SNRNP48: variants seen among roughly 807,000 people sequenced by gnomAD.
The protein encoded by SNRNP48 is U11/U12 small nuclear ribonucleoprotein 48 kDa protein.
In SNRNP48, 43 loss-of-function variants were observed where a neutral mutation model predicts 47.0. The observed-to-expected ratio is 0.92, with a 90% CI of 0.72 to 1.18. The LOEUF is 1.18. Among genes scored for constraint, SNRNP48 ranks in the 50% most tolerant of loss-of-function variants. SNRNP48 has a pLI of 0.00. For missense variants in SNRNP48, 396 were observed against 422.2 expected, an observed-to-expected ratio of 0.94 and a Z score of 0.54; for synonymous variants, 138 against 144.0, an observed-to-expected ratio of 0.96 and a Z score of 0.30.
intron 8 of SNRNP48, among the ~76,000 whole-genome samples, chr6:7,608,252 TGCATTATTA>T (rs1760168960): frequency 6.6e-6 from 1 of 151,626 alleles, no homozygotes; most frequent in African/African-American, 2.4e-5. Flanking sequence ...GTATGAAAAA[TGCATTATTA>T]AAACTAAGAG....
intron 1 of SNRNP48, among the ~76,000 whole-genome samples, chr6:7,592,680 A>C (rs949024860): frequency 1.3e-5 from 2 of 152,164 alleles, no homozygotes; most frequent in Non-Finnish European, 1.5e-5. Context: ...ATGGAATTCA[A>C]ACCAGCTACA....
In SNRNP48 at chr6:7,599,783, T is replaced by C. The variant is rs754862147; in HGVS notation, c.407-1553T>C. On this transcript the variant is annotated intron_variant, in intron 4 of 8. Coordinates refer to ENST00000342415, the MANE Select transcript of SNRNP48 (RefSeq NM_152551.4). ...CCTTTTAAAAGTAAAATTTCTAAAC[T>C]TTATCTTAATACCTGTCACATATTA... is the stretch of plus-strand genomic sequence containing the variant. 350 of 1,262,478 alleles carry C rather than the reference T, an allele frequency of 2.8e-4. 1 individual carries two copies. The highest frequency in any genetic ancestry group is 1.5e-3 in the Admixed American group (62 of 41,442). 78.2% of individuals were successfully genotyped at this position (1,262,478 alleles called of 1,614,324 possible).
rs1183980799 is a variant in SNRNP48 at position 7,593,055 on chromosome 6, A to G, written c.157-679A>G. ...TTGTGTTGAACTTTTAGTGTCTTTA[A>G]TATACGGTACTGGAGAGAAACAAGG... On this transcript the variant is annotated intron_variant, in intron 1 of 8. Transcript: ENST00000342415. Among the ~76,000 whole-genome samples the G allele has an allele frequency of 2.6e-5, 4 of 152,116 alleles. 1 individual carries two copies. Among genetic ancestry groups the G allele is most frequent in the Non-Finnish European group, 5.9e-5 (4 of 68,026 alleles).
chr6:7,592,911 G>A (rs1759844068), intron 1 of SNRNP48, among the ~76,000 whole-genome samples: 1 of 152,126 alleles, frequency 6.6e-6, no homozygotes, highest in African/African-American at 2.4e-5. Flanking sequence ...TTGGACGTGG[G>A]TGATGAGGGA....
chr6:7,594,115 C>G lies in SNRNP48; in HGVS notation c.287C>G (p.Pro96Arg), dbSNP rs1561711043. 7.0e-7 allele frequency: 1 copy of G among 1,430,640 alleles called. No homozygotes were observed. The highest frequency in any genetic ancestry group is 2.5e-5 in the East Asian group (1 of 40,542). 88.6% of individuals were successfully genotyped at this position (1,430,640 alleles called of 1,614,324 possible). A position where few individuals can be genotyped will look rare whatever the true frequency, so the allele number is the denominator to read the frequency against. The change falls in exon 3 of 9, where the codon CCT (proline) becomes CGT (arginine). Residue 96 changes from proline to arginine, a missense_variant. Transcript: ENST00000342415. ...TTTTTTCAGGATGAAATGTATAATC[C>G]TGAGTTTTTCTATGAAAATGTGAAG... ...TKEEEDEMYN[P>R]EFFYENVKIP...
intron 5 of SNRNP48, 36 bp downstream of exon 5, chr6:7,601,560 T>C: frequency 6.7e-7 from 1 of 1,493,596 alleles, no homozygotes; most frequent in African/African-American, 1.4e-5. Flanking sequence ...CATTTCTTCA[T>C]TATCATTTTA....
At chr6:7,604,223 G>C (rs1026410488) in intron 6 of SNRNP48, among the ~76,000 whole-genome samples, 2 of 152,220 alleles carry the variant, frequency 1.3e-5, no homozygotes, top group African/African-American at 2.4e-5. Context: ...GCTGGAACTT[G>C]AGATAGGTGT....
rs754755718 is a variant in SNRNP48 at position 7,606,141 on chromosome 6, GAA to G, written c.921_922del (p.Arg308LysfsTer4). On this transcript the variant is annotated frameshift_variant, in exon 8 of 9. Coordinates refer to ENST00000342415, the MANE Select transcript of SNRNP48 (RefSeq NM_152551.4). LOFTEE classifies it high-confidence loss of function. ...GATAGGAGTAGAAGCCCACATAAAAGAAAAAGAAACAAAGATAAGGATAAAAA... is the reference window on the plus strand; with the variant it reads ...GATAGGAGTAGAAGCCCACATAAAAGAAAGAAACAAAGATAAGGATAAAAA... 6.2e-7 allele frequency: 1 copy of G among 1,613,390 alleles called. No homozygotes were observed. The highest frequency in any genetic ancestry group is 8.5e-7 in the Non-Finnish European group (1 of 1,179,762).
At chr6:7,596,154 A>G (rs2113715760) in intron 4 of SNRNP48, among the ~76,000 whole-genome samples, 1 of 152,102 alleles carries the variant, frequency 6.6e-6, no homozygotes, top group African/African-American at 2.4e-5. Flanking sequence ...AATCCCAGCT[A>G]CTCAGGAGAC....
intron 6 of SNRNP48, 64 bp from the exon 7 acceptor site, chr6:7,605,334 G>A: frequency 8.0e-7 from 1 of 1,246,046 alleles, no homozygotes; most frequent in South Asian, 1.2e-5. Context: ...GATTTTTCTA[G>A]CGTTACAGTC....
At chr6:7,600,281 A>G (rs1172195878) in intron 4 of SNRNP48, 13 of 828,002 alleles carry the variant, frequency 1.6e-5, no homozygotes, top group South Asian at 1.1e-4. Context: ...TGCTTAGTTC[A>G]TAGTATGCTC....
rs143965066 is a variant in SNRNP48, at chr6:7,605,481, C to T, written c.801C>T (p.Ala267=). ...AGCAAGAGAAGGCAGAGGATGATGC[C>T]GAAAAGTACGTCATTATCTTTATTG... ...QEEQEKAEDD[A]EKNEERRSAS... The change falls in exon 7 of 9, where the codon GCC becomes GCT. Residue 267 remains alanine (A), a synonymous_variant. Coordinates refer to ENST00000342415, the MANE Select transcript of SNRNP48 (RefSeq NM_152551.4). 21 of 1,612,908 alleles carry T rather than the reference C, an allele frequency of 1.3e-5. No homozygotes were observed. Among genetic ancestry groups the T allele is most frequent in the Middle Eastern group, 3.3e-4 (2 of 6,080 alleles).
chr6:7,593,539 A>G (rs1450062801), intron 1 of SNRNP48, among the ~76,000 whole-genome samples, 195 bp from the exon 2 acceptor site: 1 of 152,102 alleles, frequency 6.6e-6, no homozygotes, highest in Admixed American at 6.5e-5. Flanking sequence ...GAGAGAGGAC[A>G]GGGGCATTTA....
chr6:7,591,874 T>C (rs1759824960), intron 1 of SNRNP48, among the ~76,000 whole-genome samples: 1 of 152,214 alleles, frequency 6.6e-6, no homozygotes, highest in South Asian at 2.1e-4. Flanking sequence ...TGAACAACAG[T>C]CCTAGTTGTC....
intron 2 of SNRNP48, 105 bp from the exon 3 acceptor site, chr6:7,593,994 A>C: frequency 5.0e-6 from 5 of 993,776 alleles, no homozygotes; most frequent in Non-Finnish European, 7.4e-6. Flanking sequence ...TAATTGCACA[A>C]ATTATTGTGA....
intron 4 of SNRNP48, among the ~76,000 whole-genome samples, chr6:7,598,089 G>T (rs984649538): frequency 6.6e-6 from 1 of 151,600 alleles, no homozygotes; most frequent in Non-Finnish European, 1.5e-5. Context: ...CGATGGTCTC[G>T]ATCTCCTGAC....
intron 4 of SNRNP48, 117 bp downstream of exon 4, chr6:7,595,218 G>C: frequency 3.6e-6 from 3 of 833,436 alleles, no homozygotes; most frequent in Non-Finnish European, 5.4e-6. Context: ...GAAAGGTAAA[G>C]TTTTACATTT....
rs1383765651 is a variant in SNRNP48 at position 7,611,183 on chromosome 6, G to C, written c.*2310G>C. The stretch of plus-strand genomic sequence containing the variant: ...CCCATGTAGCTGCAACTATAGGTGT[G>C]TGCCACTACACCTGGCTAATGTTTT... On this transcript the variant is annotated 3_prime_UTR_variant, in exon 9 of 9. Coordinates refer to ENST00000342415, the MANE Select transcript of SNRNP48 (RefSeq NM_152551.4). 1 of 152,246 alleles carries C rather than the reference G, an allele frequency of 6.6e-6. No homozygotes were observed. Among genetic ancestry groups the C allele is most frequent in the Non-Finnish European group, 1.5e-5 (1 of 68,182 alleles). 9.4% of individuals were successfully genotyped at this position (152,246 alleles called of 1,614,324 possible).
chr6:7,608,755 A>AAGTGG, intron 8 of SNRNP48, 70 bp from the exon 9 acceptor site: 33 of 904,032 alleles, frequency 3.7e-5, no homozygotes, highest in Non-Finnish European at 5.2e-5. Context: ...TTACTGTTGA[A>AAGTGG]TTATTTTAAA....
Sources: allele counts gnomAD v4.1 joint callset (sites outside exome capture counted in the v4.1 genomes callset), GRCh38; gene constraint gnomAD v4.1.1; transcripts MANE v1.5; gene names NCBI Gene and HGNC (gene_info 2026-07-23, HGNC 2026-07-21).